Variants in LRRIQ3 observed in about 807,000 individuals in gnomAD.
LRRIQ3 encodes the protein leucine-rich repeat and IQ domain-containing protein 3.
A neutral mutation model predicts 59.3 loss-of-function variants in LRRIQ3; 75 were observed. That is an observed-to-expected ratio of 1.26 (90% confidence interval 1.05 to 1.53). The LOEUF is 1.53. Among genes scored for constraint, LRRIQ3 ranks in the 40% most tolerant of loss-of-function variants. LRRIQ3 has a pLI of 0.00. For synonymous variants in LRRIQ3, 250 were observed against 231.3 expected, an observed-to-expected ratio of 1.08 and a Z score of -0.73; for missense variants, 831 against 710.0, an observed-to-expected ratio of 1.17 and a Z score of -1.94.
At chr1:74,143,142 T>A (rs1165283760) in intron 4 of LRRIQ3, among the ~76,000 whole-genome samples, 1 of 152,006 alleles carries the variant, frequency 6.6e-6, no homozygotes, top group African/African-American at 2.4e-5. Context: ...GAACTTCAAA[T>A]AAAATAAAGA....
intron 6 of LRRIQ3, among the ~76,000 whole-genome samples, chr1:74,065,107 T>TA (rs1408998661): frequency 1.3e-5 from 2 of 152,102 alleles, no homozygotes; most frequent in East Asian, 3.8e-4. Context: ...TCACTGTACT[T>TA]ACAATCAAAG....
At chr1:74,110,268 G>T (rs955443367) in intron 4 of LRRIQ3, among the ~76,000 whole-genome samples, 1 of 151,726 alleles carries the variant, frequency 6.6e-6, no homozygotes, top group African/African-American at 2.4e-5. Context: ...ATGCCTACTG[G>T]TCTAATAAGG....
chr1:74,186,713 C>T (rs1650402375), intron 1 of LRRIQ3, among the ~76,000 whole-genome samples: 1 of 151,956 alleles, frequency 6.6e-6, no homozygotes, highest in East Asian at 1.9e-4. Context: ...TGGGATAATG[C>T]TCATGATATT....
chr1:74,051,874 T>C (rs1654381013), intron 6 of LRRIQ3, among the ~76,000 whole-genome samples: 1 of 152,202 alleles, frequency 6.6e-6, no homozygotes, highest in Admixed American at 6.5e-5. Flanking sequence ...GAGTTCTACC[T>C]GTCTGGTAAT....
intron 4 of LRRIQ3, among the ~76,000 whole-genome samples, chr1:74,131,308 T>C (rs1397157436): frequency 6.6e-6 from 1 of 152,144 alleles, no homozygotes; most frequent in East Asian, 1.9e-4. Context: ...AAGGAGGAGC[T>C]GGTACCATTC....
At chr1:74,033,346 A>G (rs1653775737) in intron 7 of LRRIQ3, among the ~76,000 whole-genome samples, 1 of 152,034 alleles carries the variant, frequency 6.6e-6, no homozygotes, top group African/African-American at 2.4e-5. Context: ...ATAATAATTG[A>G]ATTAAAGAAC....
At chr1:74,118,772 T>A (rs1304182639) in intron 4 of LRRIQ3, among the ~76,000 whole-genome samples, 1 of 152,110 alleles carries the variant, frequency 6.6e-6, no homozygotes. Context: ...AAGTCTGAAA[T>A]CTGTAGGGCA....
intron 6 of LRRIQ3, among the ~76,000 whole-genome samples, chr1:74,068,676 C>A (rs567933737): frequency 1.1e-4 from 17 of 151,942 alleles, no homozygotes; most frequent in Non-Finnish European, 1.9e-4. Flanking sequence ...GGTTTGTTTG[C>A]ATGTTTGCTT....
At chr1:74,028,967 C>T (rs1344833566) in intron 7 of LRRIQ3, among the ~76,000 whole-genome samples, 1 of 151,820 alleles carries the variant, frequency 6.6e-6, no homozygotes, top group Admixed American at 6.6e-5. Context: ...AATAAATGTA[C>T]TAAAATAGCC....
intron 7 of LRRIQ3, among the ~76,000 whole-genome samples, chr1:74,028,627 T>C (rs1460286411): frequency 6.6e-6 from 1 of 151,888 alleles, no homozygotes; most frequent in Non-Finnish European, 1.5e-5. Context: ...TAGTTAAGAG[T>C]ACAGGTAGTA....
chr1:74,124,460 C>T (rs951688999), intron 4 of LRRIQ3, among the ~76,000 whole-genome samples: 1 of 151,874 alleles, frequency 6.6e-6, no homozygotes, highest in African/African-American at 2.4e-5. Context: ...AGAATTTCCC[C>T]AACGTTTTCT....
At chr1:74,121,205 C>A (rs533811542) in intron 4 of LRRIQ3, among the ~76,000 whole-genome samples, 178 of 152,142 alleles carry the variant, frequency 1.2e-3, no homozygotes, top group African/African-American at 4.2e-3. Context: ...GCTTATTGGT[C>A]TACAGAGATA....
chr1:74,123,000 C>T (rs1012919555), intron 4 of LRRIQ3, among the ~76,000 whole-genome samples: 1 of 152,090 alleles, frequency 6.6e-6, no homozygotes, highest in African/African-American at 2.4e-5. Context: ...TTTTTTCTGG[C>T]CTGGGCCTAT....
At chr1:74,169,890 T>G (rs1226502620) in intron 3 of LRRIQ3, among the ~76,000 whole-genome samples, 1 of 152,204 alleles carries the variant, frequency 6.6e-6, no homozygotes, top group Non-Finnish European at 1.5e-5. Flanking sequence ...CTCCTCATTC[T>G]TTGATTTTCA....
chr1:74,115,385 C>T (rs1646764659), intron 4 of LRRIQ3, among the ~76,000 whole-genome samples: 1 of 152,104 alleles, frequency 6.6e-6, no homozygotes, highest in Non-Finnish European at 1.5e-5. Context: ...TCCATCTCAT[C>T]TTATTTTTAC....
At chr1:74,195,394 A>G (rs114247062) in intron 1 of LRRIQ3, among the ~76,000 whole-genome samples, 1,699 of 152,232 alleles carry the variant, frequency 0.011, 35 homozygotes, top group African/African-American at 0.039. Flanking sequence ...AGAAGGGGGG[A>G]AAATTAAAAC....
At chr1:74,180,316 A>C (rs1048917206) in intron 3 of LRRIQ3, 2 of 158,810 alleles carry the variant, frequency 1.3e-5, no homozygotes, top group African/African-American at 4.8e-5. Context: ...TTGTGTCCTT[A>C]GTTTTCAGCC....
intron 3 of LRRIQ3, among the ~76,000 whole-genome samples, chr1:74,156,383 C>A (rs1648329154): frequency 6.6e-6 from 1 of 152,032 alleles, no homozygotes; most frequent in African/African-American, 2.4e-5. Context: ...TCAGGTATTT[C>A]TTTATAGCAA....
chr1:74,084,078 T>A, intron 5 of LRRIQ3: 2 of 1,165,210 alleles, frequency 1.7e-6, no homozygotes, highest in South Asian at 1.6e-5. Flanking sequence ...ACAGCTGATA[T>A]CCCTAGTGTC....
Sources: gnomAD v4.1 joint callset for allele counts (sites outside exome capture counted in the v4.1 genomes callset) on GRCh38, gnomAD v4.1.1 for gene constraint, MANE v1.5 for transcripts, NCBI Gene and HGNC (gene_info 2026-07-23, HGNC 2026-07-21) for gene names.